The following SLC9A3 variants were observed in gnomAD, a reference collection of about 807,000 sequenced individuals.
SLC9A3 encodes the protein sodium/hydrogen exchanger 3.
Under a neutral mutation model 86.8 loss-of-function variants are expected in SLC9A3, and 37 were observed. That is an observed-to-expected ratio of 0.43 (90% CI 0.33 to 0.56). SLC9A3 has a LOEUF of 0.56. Ranked by LOEUF, SLC9A3 falls within the 20% of genes least tolerant of loss-of-function variation. The pLI, the probability that SLC9A3 is intolerant of heterozygous loss-of-function variation, is 0.06. For synonymous variants in SLC9A3, 581 were observed against 528.3 expected, an observed-to-expected ratio of 1.10 and a Z score of -1.37; for missense variants, 1,011 against 1,171.9, an observed-to-expected ratio of 0.86 and a Z score of 2.00.
chr5:497,409 C>T lies in SLC9A3; in HGVS notation c.212-5338G>A, dbSNP rs1740073279. On this transcript the variant is annotated intron_variant, in intron 1 of 16. Transcript: ENST00000264938. The surrounding 1 kb of genome is among the most constrained non-coding windows in gnomAD (Gnocchi z 5.4). ...TTGACAGCTGGCGTCCACCCTCGAG[C>T]ATTTGCGAATGTCAGGCTGACACCT... Among the ~76,000 whole-genome samples, 1 of 152,172 alleles carries T rather than the reference C, an allele frequency of 6.6e-6. No homozygotes were observed. The highest frequency in any genetic ancestry group is 2.4e-5 in the African/African-American group (1 of 41,444).
At chr5:515,611 C>T (rs1733706293) in intron 1 of SLC9A3, among the ~76,000 whole-genome samples, 1 of 151,948 alleles carries the variant, frequency 6.6e-6, no homozygotes, top group African/African-American at 2.4e-5. Context: ...CCTGCTGCTC[C>T]TGCTTATCCT....
chr5:475,814 G>A (rs1372371118), intron 14 of SLC9A3, 143 bp from the exon 15 acceptor site: 5 of 692,774 alleles, frequency 7.2e-6, no homozygotes, highest in Admixed American at 2.6e-5. Context: ...AGGGCTGGAG[G>A]AGGGACCCCA....
In SLC9A3 at chr5:472,310, G is replaced by A. The variant is rs996195012; in HGVS notation, c.*1069C>T. ...TAGGACAGGCTCAGGGGTCTCAGCA[G>A]GTTCTCCTTGGAGGGCCTGAGCCTG... On this transcript the variant is annotated 3_prime_UTR_variant, in exon 17 of 17. Coordinates refer to ENST00000264938, the MANE Select transcript of SLC9A3 (RefSeq NM_004174.4). 8.8e-6 allele frequency: 3 copies of A among 339,366 alleles called. No individual in the cohort carries two copies. Among genetic ancestry groups the A allele is most frequent in the Non-Finnish European group, 1.7e-5 (3 of 173,422 alleles). 21.0% of individuals were successfully genotyped at this position (339,366 alleles called of 1,614,324 possible).
chr5:513,904 C>T (rs1312832936), intron 1 of SLC9A3, among the ~76,000 whole-genome samples: 1 of 152,208 alleles, frequency 6.6e-6, no homozygotes, highest in Non-Finnish European at 1.5e-5. Context: ...CCCAGGGCTC[C>T]TCTCCCTCTG....
At chr5:493,621 C>T (rs776270341) in intron 1 of SLC9A3, among the ~76,000 whole-genome samples, 8 of 152,238 alleles carry the variant, frequency 5.3e-5, no homozygotes, top group African/African-American at 1.2e-4. Context: ...GCACAAGCTC[C>T]GCACCTGCCC....
chr5:479,587 C>CA (rs1739019440), intron 10 of SLC9A3: 1 of 490,898 alleles, frequency 2.0e-6, no homozygotes, highest in African/African-American at 2.0e-5. Flanking sequence ...GCTCGGGGTC[C>CA]TAGGACCTGA....
chr5:506,324 C>T (rs10475275), intron 1 of SLC9A3, among the ~76,000 whole-genome samples: 16,648 of 152,206 alleles, frequency 0.11, 1,128 homozygotes, highest in Admixed American at 0.16. Context: ...TGGAGACGCG[C>T]GGAACCCGGG....
At chr5:494,532 G>T (rs146554484) in intron 1 of SLC9A3, among the ~76,000 whole-genome samples, 1 of 152,204 alleles carries the variant, frequency 6.6e-6, no homozygotes, top group Non-Finnish European at 1.5e-5. Context: ...GTGCAGGAAG[G>T]CCTGGGGCAG....
At position 481,567 on chromosome 5, in the gene SLC9A3, G is replaced by A. The variant is rs937679115; in HGVS notation, c.1515C>T (p.Asp505=). Residue 505 remains aspartate (D), a splice_region_variant and synonymous_variant, in exon 9 of 17, where the codon GAC becomes GAT. Transcript: ENST00000264938. ...CCGGGGCCGTCCCAGCCACTTACTT[G>A]TCTCTGAGATAATTGTGCCCGATCT... ...SGQIGHNYLR[D]KWSHFDRKFL... is the part of the protein sequence containing the mutation. The A allele has an allele frequency of 2.5e-6, 4 of 1,613,082 alleles. No homozygotes were observed. Among genetic ancestry groups the A allele is most frequent in the African/African-American group, 2.7e-5 (2 of 74,930 alleles).
rs75919640 is a variant in SLC9A3 at position 499,784 on chromosome 5, C to T, written c.212-7713G>A. ...TAATGCCAAGGTGGCTCCTAGAGACCTTGCATCTGCGCATAACGTCTCCGT... is the reference window on the plus strand; with the variant it reads ...TAATGCCAAGGTGGCTCCTAGAGACTTTGCATCTGCGCATAACGTCTCCGT... On this transcript the variant is annotated intron_variant, in intron 1 of 16. Transcript: ENST00000264938. 2.8e-4 allele frequency among the ~76,000 whole-genome samples: 43 copies of T among 152,340 alleles called. 1 individual carries two copies. The East Asian group carries it at 7.7e-3, about 27-fold the overall frequency.
At position 473,327 on chromosome 5, in the gene SLC9A3, C is replaced by A; in HGVS notation, c.*52G>T. ...CTGGGACAGCGGCGGCGGCGGTGGG[C>A]GGACCGTGGCGCGGGGACGAGCGGC... On this transcript the variant is annotated 3_prime_UTR_variant, in exon 17 of 17. Transcript: ENST00000264938. 1.4e-6 allele frequency: 2 copies of A among 1,400,576 alleles called. No individual in the cohort carries two copies. The highest frequency in any genetic ancestry group is 3.1e-5 in the East Asian group (1 of 32,520). The allele number at this position is 1,400,576 out of a possible 1,614,324, so 86.8% of individuals were successfully genotyped here. A position where few individuals can be genotyped will look rare whatever the true frequency, so the allele number is the denominator to read the frequency against.
intron 1 of SLC9A3, among the ~76,000 whole-genome samples, chr5:494,725 G>A (rs1035387669): frequency 2.0e-5 from 3 of 152,158 alleles, no homozygotes; most frequent in East Asian, 1.9e-4. Flanking sequence ...GCTGACCCGC[G>A]CCTCTCACAT....
At chr5:501,397 G>A (rs1019971848) in intron 1 of SLC9A3, among the ~76,000 whole-genome samples, 1 of 152,190 alleles carries the variant, frequency 6.6e-6, no homozygotes, top group East Asian at 1.9e-4. Flanking sequence ...AACACGTCCC[G>A]GAGGATTAAA....
chr5:475,776 G>A (rs1049658717), intron 14 of SLC9A3, 105 bp from the exon 15 acceptor site: 3 of 747,708 alleles, frequency 4.0e-6, no homozygotes, highest in Non-Finnish European at 6.9e-6. Context: ...CAGGCAGTCG[G>A]GACCCACAGA....
chr5:476,652 A>G lies in SLC9A3; in HGVS notation c.1781T>C (p.Val594Ala). 3 of 1,606,400 alleles carry G rather than the reference A, an allele frequency of 1.9e-6. No homozygotes were observed. Among genetic ancestry groups the G allele is most frequent in the Non-Finnish European group, 2.5e-6 (3 of 1,179,844 alleles). ...SYLLRENVSA[V>A]CLDMQSLEQR... ...CTCCAGAGACTGCATGTCCAGGCAG[A>G]CAGCGCTGACATTTTCTCTCCTGCG... Residue 594 changes from valine (V) to alanine (A), a missense_variant, in exon 12 of 17, where the codon GTC becomes GCC. By Grantham distance (64) the Val-to-Ala change is moderately conservative. Around this residue, in one of 3 missense-constraint regions of SLC9A3, gnomAD observed 397 missense variants for 346.3 expected, o/e 1.15. Coordinates refer to ENST00000264938, the MANE Select transcript of SLC9A3 (RefSeq NM_004174.4).
intron 1 of SLC9A3, among the ~76,000 whole-genome samples, chr5:507,369 G>GGTT (rs397963147): frequency 0.016 from 96 of 5,852 alleles, no homozygotes; most frequent in African/African-American, 0.068. Flanking sequence ...GGGTTTCACC[G>GGTT]TTTTTTTTTT....
intron 1 of SLC9A3, among the ~76,000 whole-genome samples, chr5:498,254 C>A (rs1451692120): frequency 1.3e-5 from 2 of 152,192 alleles, no homozygotes; most frequent in African/African-American, 4.8e-5. Flanking sequence ...CCACTTCCCA[C>A]CCTGGAGCTG....
chr5:523,825 C>G (rs1056892689), intron 1 of SLC9A3, among the ~76,000 whole-genome samples: 1 of 152,186 alleles, frequency 6.6e-6, no homozygotes, highest in African/African-American at 2.4e-5. Flanking sequence ...GTCTGCGGGG[C>G]TCGGAGCGGA....
At chr5:523,720 A>G (rs1733951439) in intron 1 of SLC9A3, among the ~76,000 whole-genome samples, 1 of 152,164 alleles carries the variant, frequency 6.6e-6, no homozygotes, top group Admixed American at 6.5e-5. Context: ...TAACTCACGA[A>G]AAAACGCCAT....
Sources: allele counts gnomAD v4.1 joint callset (sites outside exome capture counted in the v4.1 genomes callset), GRCh38; gene constraint gnomAD v4.1.1; regional missense constraint gnomAD v4.1.1; non-coding constraint Gnocchi (gnomAD v3.1); transcripts MANE v1.5; gene names NCBI Gene and HGNC (gene_info 2026-07-23, HGNC 2026-07-21).